Variants in FAM135A observed in about 807,000 individuals in gnomAD.
FAM135A encodes protein FAM135A.
A neutral mutation model predicts 146.8 loss-of-function variants in FAM135A; 79 were observed. That is an observed-to-expected ratio of 0.54 (90% CI 0.45 to 0.65). The LOEUF is 0.65. FAM135A is among the 30% of genes least tolerant of loss of function. FAM135A has a pLI of 0.00. For missense variants in FAM135A, 1,623 were observed against 1,758.2 expected, an observed-to-expected ratio of 0.92 and a Z score of 1.38; for synonymous variants, 562 against 603.6, an observed-to-expected ratio of 0.93 and a Z score of 1.01.
chr6:70,536,552 T>C, intron 19 of FAM135A, 141 bp downstream of exon 19: 1 of 648,622 alleles, frequency 1.5e-6, no homozygotes, highest in Non-Finnish European at 2.2e-6. Flanking sequence ...AATTTTCTGT[T>C]TTGTTATGCA....
chr6:70,508,503 G>A (rs1299154208), intron 12 of FAM135A, among the ~76,000 whole-genome samples: 1 of 152,064 alleles, frequency 6.6e-6, no homozygotes, highest in Non-Finnish European at 1.5e-5. Flanking sequence ...ATTGTAACTT[G>A]TGTCTGGAAT....
intron 16 of FAM135A, among the ~76,000 whole-genome samples, 168 bp downstream of exon 16, chr6:70,528,620 C>T (rs1582778345): frequency 6.6e-6 from 1 of 151,952 alleles, no homozygotes; most frequent in Non-Finnish European, 1.5e-5. Context: ...TTTTAATTAT[C>T]CTAAGTGTAA....
chr6:70,481,326 A>G (rs2128180703), intron 9 of FAM135A, among the ~76,000 whole-genome samples: 1 of 152,340 alleles, frequency 6.6e-6, no homozygotes, highest in Non-Finnish European at 1.5e-5. Context: ...GAGCCTTTAA[A>G]GAACAATTGA....
intron 15 of FAM135A, 68 bp downstream of exon 15, chr6:70,526,766 TACACACACACACACACAC>T (rs71538422): frequency 1.3e-5 from 6 of 452,688 alleles, no homozygotes; most frequent in Non-Finnish European, 1.1e-5. Context: ...CACACACACA[TACACACACACACACACAC>T]ACACACACAC....
At position 70,525,339 on chromosome 6, in the gene FAM135A, C is replaced by G. The variant is rs1422725005; in HGVS notation, c.2255C>G (p.Thr752Arg). 2 of 1,613,104 alleles carry G rather than the reference C, an allele frequency of 1.2e-6. No individual in the cohort carries two copies. Among genetic ancestry groups the G allele is most frequent in the Non-Finnish European group, 1.7e-6 (2 of 1,179,524 alleles). The change falls in exon 15 of 22, where the codon ACA becomes AGA. Residue 752 changes from threonine (T) to arginine (R), a missense_variant. Around this residue, in one of 7 missense-constraint regions of FAM135A, gnomAD observed 1,061 missense variants for 1,113.8 expected, o/e 0.95. Transcript: ENST00000418814. Reference protein sequence around the residue: ...KEYHVVVSGDTIKLPDISATY... With the variant: ...KEYHVVVSGDRIKLPDISATY... ...TATCATGTTGTAGTAAGTGGAGATA[C>G]AATTAAGTTACCAGATATTAGTGCC...
At chr6:70,435,100 TATATATATA>T (rs1450848047) in intron 4 of FAM135A, among the ~76,000 whole-genome samples, 31 of 124,134 alleles carry the variant, frequency 2.5e-4, no homozygotes, top group African/African-American at 6.7e-4. Context: ...TATATATATA[TATATATATA>T]TTTTTTTTTT....
chr6:70,475,849 T>C (rs1280667527), intron 7 of FAM135A, 116 bp downstream of exon 7: 3 of 790,072 alleles, frequency 3.8e-6, no homozygotes, highest in Non-Finnish European at 5.9e-6. Context: ...TTGAACTACT[T>C]GTGTTTTCTG....
At chr6:70,558,195 G>A (rs144503598) in intron 21 of FAM135A, among the ~76,000 whole-genome samples, 1 of 152,136 alleles carries the variant, frequency 6.6e-6, no homozygotes, top group Non-Finnish European at 1.5e-5. Context: ...GGAGTAAAAA[G>A]TTTTTTGATG....
chr6:70,419,536 T>A (rs1235544333), intron 2 of FAM135A, among the ~76,000 whole-genome samples: 1 of 152,232 alleles, frequency 6.6e-6, no homozygotes, highest in Non-Finnish European at 1.5e-5. Context: ...TTAACCTCCT[T>A]CTAGATTTAG....
intron 5 of FAM135A, among the ~76,000 whole-genome samples, chr6:70,464,475 T>G (rs898795571): frequency 6.6e-6 from 1 of 152,086 alleles, no homozygotes; most frequent in Non-Finnish European, 1.5e-5. Flanking sequence ...CTTAATGGAG[T>G]TGTTATCATC....
chr6:70,450,741 T>G (rs1435286556), intron 4 of FAM135A, among the ~76,000 whole-genome samples: 1 of 92,986 alleles, frequency 1.1e-5, no homozygotes, highest in Non-Finnish European at 2.1e-5. Context: ...TTTTTTTTTT[T>G]TTTTTTTTTT....
chr6:70,418,311 T>G (rs567076139), intron 2 of FAM135A: 1 of 152,266 alleles, frequency 6.6e-6, no homozygotes, highest in African/African-American at 2.4e-5. Flanking sequence ...CTTGGTCATT[T>G]TATTTAATTT....
At chr6:70,532,043 C>T (rs777317415) in intron 16 of FAM135A, among the ~76,000 whole-genome samples, 16 of 151,716 alleles carry the variant, frequency 1.1e-4, no homozygotes, top group East Asian at 1.9e-4. Flanking sequence ...CCACCACACA[C>T]GGCTAATTTT....
chr6:70,533,216 G>A lies in FAM135A; in HGVS notation c.3832G>A (p.Gly1278Arg), dbSNP rs766887212. ...TTACATTGAACTTGGATTGCCTGGG[G>A]GAAGAATTGATTTTCTTATGTCTGA... Reference protein sequence around the residue: ...KTYIELGLPGGRIDFLMSERN... With the variant: ...KTYIELGLPGRRIDFLMSERN... Residue 1278 changes from glycine (G) to arginine (R), a missense_variant, in exon 17 of 22, where the codon GGA becomes AGA. Physicochemically the swap from Gly to Arg is moderately radical, Grantham distance 125 (BLOSUM62 -2). Transcript: ENST00000418814. 31 of 1,613,122 alleles carry A rather than the reference G, an allele frequency of 1.9e-5. 1 individual carries two copies. In the Admixed American group the frequency reaches 4.5e-4, roughly 23 times the overall value.
chr6:70,522,275 C>T (rs976062365), intron 12 of FAM135A, among the ~76,000 whole-genome samples: 2 of 151,962 alleles, frequency 1.3e-5, no homozygotes, highest in Admixed American at 1.3e-4. Context: ...TATTTTAAGA[C>T]AAAAGGTGGT....
At chr6:70,459,379 T>C (rs987475290) in intron 5 of FAM135A, among the ~76,000 whole-genome samples, 1 of 152,206 alleles carries the variant, frequency 6.6e-6, no homozygotes, top group African/African-American at 2.4e-5. Context: ...GCCATACATT[T>C]ACATTATTTC....
chr6:70,434,771 A>G (rs1316699582), intron 4 of FAM135A, among the ~76,000 whole-genome samples: 1 of 152,204 alleles, frequency 6.6e-6, no homozygotes, highest in Non-Finnish European at 1.5e-5. Context: ...AAATGTTATC[A>G]GTTTGATTTG....
At chr6:70,524,256 A>G (rs955793458) in intron 14 of FAM135A, 87 bp from the exon 15 acceptor site, 7 of 1,391,112 alleles carry the variant, frequency 5.0e-6, no homozygotes, top group African/African-American at 1.5e-5. Flanking sequence ...TGAGGATATT[A>G]GAAGTTATAG....
intron 19 of FAM135A, 127 bp from the exon 20 acceptor site, chr6:70,538,164 T>G (rs1797127468): frequency 2.1e-6 from 1 of 480,552 alleles, no homozygotes; most frequent in Non-Finnish European, 3.5e-6. Context: ...TATTTTTGAT[T>G]AGCCAACAAA....
Sources: allele counts gnomAD v4.1 joint callset (sites outside exome capture counted in the v4.1 genomes callset), GRCh38; gene constraint gnomAD v4.1.1; regional missense constraint gnomAD v4.1.1; transcripts MANE v1.5; gene names NCBI Gene and HGNC (gene_info 2026-07-23, HGNC 2026-07-21).